The following LTBP1 variants were observed in gnomAD, a reference collection of about 807,000 sequenced individuals.
LTBP1 encodes the protein latent transforming growth factor beta binding protein 1, also known as latent-transforming growth factor beta-binding protein 1.
Under a neutral mutation model 207.6 loss-of-function variants are expected in LTBP1, and 129 were observed. The observed-to-expected ratio is 0.62, with a 90% CI of 0.54 to 0.72. LTBP1 has a LOEUF of 0.72. Ranked by LOEUF, LTBP1 falls within the 30% of genes least tolerant of loss-of-function variation. The pLI is 0.00. For synonymous variants in LTBP1, 963 were observed against 833.7 expected, an observed-to-expected ratio of 1.16 and a Z score of -2.67; for missense variants, 2,281 against 2,217.2, an observed-to-expected ratio of 1.03 and a Z score of -0.58.
At chr2:33,286,541 T>G (rs1230502646) in intron 19 of LTBP1, among the ~76,000 whole-genome samples, 2 of 152,240 alleles carry the variant, frequency 1.3e-5, no homozygotes, top group Non-Finnish European at 2.9e-5. Context: ...CTTTTTCATA[T>G]TTTATGTGCA....
chr2:33,277,813 TTTTC>T (rs1478928974), intron 18 of LTBP1, among the ~76,000 whole-genome samples: 4,424 of 71,786 alleles, frequency 0.062, 161 homozygotes, highest in Non-Finnish European at 0.091. Flanking sequence ...CTCTTTCTTT[TTTTC>T]TTTCTTTCTT....
intron 19 of LTBP1, among the ~76,000 whole-genome samples, chr2:33,282,867 A>T (rs1010889269): frequency 1.3e-5 from 2 of 152,146 alleles, no homozygotes; most frequent in Admixed American, 1.3e-4. Flanking sequence ...GATCGAGACC[A>T]TCCTGGCCAA....
chr2:33,338,560 AGCAGTGGCACAAAAT>A (rs548261781), intron 24 of LTBP1, among the ~76,000 whole-genome samples: 2,523 of 152,274 alleles, frequency 0.017, 49 homozygotes, highest in Non-Finnish European at 0.02. Flanking sequence ...CGATAAGCAC[AGCAGTGGCACAAAAT>A]GCTCTGGGAC....
At chr2:32,969,520 C>T (rs115823969) in intron 2 of LTBP1, among the ~76,000 whole-genome samples, 1 of 152,018 alleles carries the variant, frequency 6.6e-6, no homozygotes, top group Non-Finnish European at 1.5e-5. Flanking sequence ...TAAGAACATG[C>T]AGTATTTGGT....
chr2:33,142,618 G>C (rs2082722333), intron 5 of LTBP1, among the ~76,000 whole-genome samples: 1 of 152,048 alleles, frequency 6.6e-6, no homozygotes. Context: ...TGGTTGAAGA[G>C]GAAGACAACT....
chr2:33,178,153 A>AG (rs2086251580), intron 5 of LTBP1, among the ~76,000 whole-genome samples: 1 of 152,128 alleles, frequency 6.6e-6, no homozygotes, highest in African/African-American at 2.4e-5. Flanking sequence ...GGAGGCCTCA[A>AG]TCTCAAGGTG....
intron 7 of LTBP1, among the ~76,000 whole-genome samples, chr2:33,215,110 A>G (rs1469547822): frequency 6.6e-6 from 1 of 152,088 alleles, no homozygotes; most frequent in Non-Finnish European, 1.5e-5. Context: ...GGGGCCTCAA[A>G]TGGGACATCT....
At chr2:33,117,980 G>A (rs1343324721) in intron 4 of LTBP1, among the ~76,000 whole-genome samples, 2 of 152,124 alleles carry the variant, frequency 1.3e-5, no homozygotes, top group African/African-American at 4.8e-5. Flanking sequence ...CATGTGAAGA[G>A]AGAACAGAAG....
chr2:33,132,321 TG>T (rs2081861344), intron 4 of LTBP1, among the ~76,000 whole-genome samples: 1 of 152,158 alleles, frequency 6.6e-6, no homozygotes, highest in Admixed American at 6.5e-5. Flanking sequence ...AGGATTCTGT[TG>T]TTTTTTTTGA....
Position 33,270,408 on chromosome 2 carries a change from T to G in LTBP1, c.2618-3248T>G, listed in dbSNP as rs534002564. Reference sequence around the variant, plus strand: ...ATGGAGACCATCCTGGTTAACACGATGAAACCCCGTCTCTACTAAAAATAC... The same window carrying G: ...ATGGAGACCATCCTGGTTAACACGAGGAAACCCCGTCTCTACTAAAAATAC... On this transcript the variant is annotated intron_variant, in intron 15 of 33. Coordinates refer to ENST00000404816, the MANE Select transcript of LTBP1 (RefSeq NM_206943.4). 8.6e-5 allele frequency among the ~76,000 whole-genome samples: 13 copies of G among 151,740 alleles called. No individual in the cohort carries two copies. The South Asian group carries it at 2.1e-3, about 24-fold the overall frequency.
intron 2 of LTBP1, among the ~76,000 whole-genome samples, chr2:33,009,151 T>A (rs975686071): frequency 7.2e-5 from 11 of 152,156 alleles, no homozygotes; most frequent in African/African-American, 2.4e-4. Flanking sequence ...GAGAATAGAC[T>A]GCAGGGGATA....
chr2:33,107,157 C>T (rs938132280), intron 3 of LTBP1, among the ~76,000 whole-genome samples: 1 of 152,206 alleles, frequency 6.6e-6, no homozygotes, highest in Non-Finnish European at 1.5e-5. Context: ...GAAGAGAACA[C>T]GTCAGGGTGC....
chr2:33,105,680 G>A (rs868729886), intron 3 of LTBP1, among the ~76,000 whole-genome samples: 1 of 152,084 alleles, frequency 6.6e-6, no homozygotes, highest in African/African-American at 2.4e-5. Context: ...TGATCCACCC[G>A]CTTCGGCCTC....
intron 5 of LTBP1, among the ~76,000 whole-genome samples, chr2:33,161,064 A>G (rs767830639): frequency 2.0e-5 from 3 of 152,110 alleles, no homozygotes; most frequent in Non-Finnish European, 2.9e-5. Context: ...CCATTTATTA[A>G]TAGTGTGCTT....
chr2:33,347,388 T>C lies in LTBP1; in HGVS notation c.3878T>C (p.Leu1293Pro). 1.2e-6 allele frequency: 2 copies of C among 1,614,144 alleles called. No individual in the cohort carries two copies. Among genetic ancestry groups the C allele is most frequent in the Non-Finnish European group, 1.7e-6 (2 of 1,180,032 alleles). Residue 1293 changes from leucine to proline, a missense_variant, in exon 26 of 34, where the codon CTC (leucine) becomes CCC (proline). This residue lies in a region of LTBP1 where 1,671 missense variants were observed against 1,634.8 expected (regional missense o/e 1.02). Coordinates refer to ENST00000404816, the MANE Select transcript of LTBP1 (RefSeq NM_206943.4). ...CCAGATGTGAATGAATGTGAACTGCTCAGTGGGGTGTGTGGTGAAGCCTTC... is the reference window on the plus strand; with the variant it reads ...CCAGATGTGAATGAATGTGAACTGCCCAGTGGGGTGTGTGGTGAAGCCTTC... ...GCVDVNECEL[L>P]SGVCGEAFCE... is the part of the protein sequence containing the mutation.
intron 2 of LTBP1, among the ~76,000 whole-genome samples, chr2:32,988,326 A>G (rs141972993): frequency 8.5e-5 from 13 of 152,334 alleles, no homozygotes; most frequent in Middle Eastern, 3.4e-3. Flanking sequence ...CGTGTTTAGC[A>G]TGATATTGCA....
chr2:33,098,176 G>C (rs1479913923), intron 3 of LTBP1, among the ~76,000 whole-genome samples: 1 of 152,282 alleles, frequency 6.6e-6, no homozygotes, highest in African/African-American at 2.4e-5. Flanking sequence ...ATCTCATTAT[G>C]ATTGCCTTTT....
chr2:33,089,247 G>T lies in LTBP1; in HGVS notation c.864-21335G>T, dbSNP rs568563707. On this transcript the variant is annotated intron_variant, in intron 3 of 33. Coordinates refer to ENST00000404816, the MANE Select transcript of LTBP1 (RefSeq NM_206943.4). The stretch of plus-strand genomic sequence containing the variant: ...AAAGCTTGGATTTTTTCATAGTGGG[G>T]ACAAAATATGAGATTGGAGATGACA... Among the ~76,000 whole-genome samples, 14 of 152,178 alleles carry T rather than the reference G, an allele frequency of 9.2e-5. No individual in the cohort carries two copies. In the East Asian group the frequency reaches 2.5e-3, roughly 27 times the overall value.
At chr2:33,369,492 G>A (rs1017492539) in intron 31 of LTBP1, among the ~76,000 whole-genome samples, 9 of 152,166 alleles carry the variant, frequency 5.9e-5, no homozygotes, top group East Asian at 1.9e-4. Flanking sequence ...TCCAGGAAAC[G>A]CATGTTGAAA....
Sources: allele counts gnomAD v4.1 joint callset (sites outside exome capture counted in the v4.1 genomes callset), GRCh38; gene constraint gnomAD v4.1.1; regional missense constraint gnomAD v4.1.1; transcripts MANE v1.5; gene names NCBI Gene and HGNC (gene_info 2026-07-23, HGNC 2026-07-21).